Variants in PACRG observed in about 807,000 individuals in gnomAD.
The protein encoded by PACRG is parkin coregulated.
Under a neutral mutation model 29.7 loss-of-function variants are expected in PACRG, and 29 were observed. The ratio of observed to expected loss-of-function variants is 0.98; its 90% CI spans 0.73 to 1.33. The LOEUF is 1.33. Among genes scored for constraint, PACRG ranks in the 40% most tolerant of loss-of-function variants. PACRG has a pLI of 0.00. For synonymous variants in PACRG, 116 were observed against 118.7 expected, an observed-to-expected ratio of 0.98 and a Z score of 0.15; for missense variants, 279 against 316.2, an observed-to-expected ratio of 0.88 and a Z score of 0.89.
intron 1 of PACRG, among the ~76,000 whole-genome samples, chr6:162,765,208 A>C (rs1222506954): frequency 6.6e-6 from 1 of 152,074 alleles, no homozygotes; most frequent in Non-Finnish European, 1.5e-5. Context: ...ATCTGAGCCA[A>C]CAAGGCTAAG....
intron 4 of PACRG, among the ~76,000 whole-genome samples, chr6:163,192,387 G>T (rs1468156530): frequency 2.0e-5 from 3 of 152,174 alleles, no homozygotes; most frequent in African/African-American, 7.2e-5. Context: ...CCATTGTTTA[G>T]AACTGTAATC....
intron 4 of PACRG, among the ~76,000 whole-genome samples, chr6:163,257,061 T>C (rs1783142433): frequency 1.3e-5 from 2 of 152,108 alleles, no homozygotes; most frequent in Admixed American, 1.3e-4. Context: ...CCTATCTGTC[T>C]CTTATAAGGA....
intron 4 of PACRG, among the ~76,000 whole-genome samples, chr6:163,204,867 A>C (rs1057223428): frequency 1.3e-5 from 2 of 152,332 alleles, no homozygotes; most frequent in Non-Finnish European, 2.9e-5. Flanking sequence ...CAACTTTAGC[A>C]AAGTTTCAGG....
At chr6:163,192,907 C>T (rs1433484956) in intron 4 of PACRG, among the ~76,000 whole-genome samples, 1 of 152,178 alleles carries the variant, frequency 6.6e-6, no homozygotes, top group Non-Finnish European at 1.5e-5. Flanking sequence ...TGACACACTT[C>T]TTCACTCCTT....
intron 4 of PACRG, among the ~76,000 whole-genome samples, chr6:163,311,378 T>C (rs115658218): frequency 1.6e-3 from 243 of 152,376 alleles, no homozygotes; most frequent in African/African-American, 5.6e-3. Context: ...AAGTGTCATT[T>C]TCCTAATCAG....
intron 1 of PACRG, among the ~76,000 whole-genome samples, chr6:162,773,421 G>C (rs2128305106): frequency 6.8e-6 from 1 of 146,590 alleles, no homozygotes; most frequent in Non-Finnish European, 1.5e-5. Flanking sequence ...AATAATACTA[G>C]ATAATTTCTG....
At chr6:163,266,243 T>A (rs987490431) in intron 4 of PACRG, among the ~76,000 whole-genome samples, 1 of 152,220 alleles carries the variant, frequency 6.6e-6, no homozygotes, top group Non-Finnish European at 1.5e-5. Flanking sequence ...ATAAAAATAC[T>A]GTAAAATCAG....
At chr6:163,042,901 A>G (rs1316443213) in intron 2 of PACRG, 2 of 152,174 alleles carry the variant, frequency 1.3e-5, no homozygotes, top group African/African-American at 4.8e-5. Flanking sequence ...CAGTCATTGC[A>G]TAAACATGGA....
chr6:163,150,432 C>T (rs901442540), intron 4 of PACRG, among the ~76,000 whole-genome samples: 2 of 152,172 alleles, frequency 1.3e-5, no homozygotes, highest in African/African-American at 2.4e-5. Context: ...CCTGCTCCCT[C>T]GCCTGTGCTC....
chr6:162,946,183 A>G (rs1437704216), intron 2 of PACRG, among the ~76,000 whole-genome samples: 1 of 152,044 alleles, frequency 6.6e-6, no homozygotes, highest in African/African-American at 2.4e-5. Flanking sequence ...TAAAATAGAG[A>G]CAAAAAAAGG....
At chr6:162,879,436 G>A (rs114050803) in intron 2 of PACRG, among the ~76,000 whole-genome samples, 1,759 of 152,304 alleles carry the variant, frequency 0.012, 34 homozygotes, top group African/African-American at 0.04. Context: ...TGGTATTCAT[G>A]ACTCTGTCTA....
chr6:162,880,789 G>A (rs893667182), intron 2 of PACRG, among the ~76,000 whole-genome samples: 1 of 152,090 alleles, frequency 6.6e-6, no homozygotes, highest in Non-Finnish European at 1.5e-5. Context: ...ATCATCTTCC[G>A]AGATACCCTA....
At chr6:162,912,922 C>CAA (rs67714057) in intron 2 of PACRG, among the ~76,000 whole-genome samples, 5 of 108,616 alleles carry the variant, frequency 4.6e-5, no homozygotes, top group Non-Finnish European at 6.4e-5. Context: ...AACAAACAAA[C>CAA]AAAAAAAAAA....
At chr6:163,013,683 G>A (rs1805826504) in intron 2 of PACRG, among the ~76,000 whole-genome samples, 1 of 152,038 alleles carries the variant, frequency 6.6e-6, no homozygotes, top group Admixed American at 6.6e-5. Context: ...TGCTGCATTA[G>A]TATAAAAATC....
At chr6:162,740,682 C>T (rs1283383971) in intron 1 of PACRG, among the ~76,000 whole-genome samples, 2 of 151,224 alleles carry the variant, frequency 1.3e-5, no homozygotes, top group African/African-American at 4.9e-5. Context: ...TCACTGCAAC[C>T]TCTGCCCCCT....
At chr6:163,280,576 G>A (rs1207687730) in intron 4 of PACRG, among the ~76,000 whole-genome samples, 3 of 152,110 alleles carry the variant, frequency 2.0e-5, no homozygotes, top group Non-Finnish European at 2.9e-5. Flanking sequence ...GAGACTGAGC[G>A]GCTGGAACCA....
At position 163,073,573 on chromosome 6, in the gene PACRG, T is replaced by C. The variant is rs192834547; in HGVS notation, c.463+11252T>C. Among the ~76,000 whole-genome samples the C allele has an allele frequency of 9.2e-5, 14 of 152,180 alleles. No individual in the cohort carries two copies. The East Asian group carries it at 2.7e-3, about 29-fold the overall frequency. On this transcript the variant is annotated intron_variant, in intron 3 of 4. Coordinates refer to ENST00000366888, the MANE Select transcript of PACRG (RefSeq NM_001080379.2). ...CAAGCACAGGCAACCAAAGCAAAAA[T>C]GGACAAATGGGATCGCATCAAGTTA...
At chr6:163,268,421 A>G (rs1238776462) in intron 4 of PACRG, among the ~76,000 whole-genome samples, 2 of 128,380 alleles carry the variant, frequency 1.6e-5, no homozygotes, top group East Asian at 2.5e-4. Flanking sequence ...AAAAGAAAGT[A>G]TTGAAATATA....
At position 163,292,575 on chromosome 6, in the gene PACRG, A is replaced by T. The variant is rs188254956; in HGVS notation, c.614-22252A>T. Among the ~76,000 whole-genome samples, 38 of 97,974 alleles carry T rather than the reference A, an allele frequency of 3.9e-4. 1 individual carries two copies. The highest frequency in any genetic ancestry group is 9.1e-4 in the African/African-American group (25 of 27,370). The allele number at this position is 97,974 out of a possible 152,430, so 64.3% of individuals were successfully genotyped here. On this transcript the variant is annotated intron_variant, in intron 4 of 4. Coordinates refer to ENST00000366888, the MANE Select transcript of PACRG (RefSeq NM_001080379.2). ...GCCACCACGCCCAGCTAATTTATGT[A>T]TTATTTATTTATTTATTTATTTATT...
Sources: allele counts gnomAD v4.1 joint callset (sites outside exome capture counted in the v4.1 genomes callset), GRCh38; gene constraint gnomAD v4.1.1; transcripts MANE v1.5; gene names NCBI Gene and HGNC (gene_info 2026-07-23, HGNC 2026-07-21).